The following PRKCE variants were observed in gnomAD, a reference collection of about 807,000 sequenced individuals.
PRKCE encodes the protein protein kinase C epsilon, also known as protein kinase C epsilon type.
Under a neutral mutation model 85.4 loss-of-function variants are expected in PRKCE, and 16 were observed. The observed-to-expected ratio is 0.19, with a 90% CI of 0.13 to 0.28. PRKCE has a LOEUF of 0.28. Among genes scored for constraint, PRKCE ranks in the 10% least tolerant of loss-of-function variants. The probability of loss-of-function intolerance (pLI) is 1.00; values close to 1 mark genes in which losing one functional copy is unlikely to be tolerated. For synonymous variants in PRKCE, 388 were observed against 371.5 expected (o/e 1.04, Z -0.51); for missense variants, 573 against 975.2 (o/e 0.59, Z 5.49).
intron 1 of PRKCE, among the ~76,000 whole-genome samples, chr2:45,837,204 A>C (rs553912134): frequency 9.2e-5 from 14 of 152,338 alleles, no homozygotes; most frequent in African/African-American, 3.1e-4. Context: ...CCTGCTGGGC[A>C]GGTGTGGTGT....
At chr2:46,064,136 G>A (rs1667399370) in intron 10 of PRKCE, among the ~76,000 whole-genome samples, 1 of 151,906 alleles carries the variant, frequency 6.6e-6, no homozygotes, top group Non-Finnish European at 1.5e-5. Context: ...ACAAAAATTA[G>A]CCAGGCATGG....
chr2:45,661,794 C>A (rs1289853850), intron 1 of PRKCE, among the ~76,000 whole-genome samples: 1 of 151,868 alleles, frequency 6.6e-6, no homozygotes, highest in Non-Finnish European at 1.5e-5. Flanking sequence ...CCGCCTTGGC[C>A]TCCCAAAGTG....
At chr2:45,692,471 C>T (rs1677807948) in intron 1 of PRKCE, among the ~76,000 whole-genome samples, 1 of 152,068 alleles carries the variant, frequency 6.6e-6, no homozygotes, top group African/African-American at 2.4e-5. Context: ...GAATTAGGGC[C>T]CACCCTAATG....
intron 1 of PRKCE, among the ~76,000 whole-genome samples, chr2:45,824,541 C>G (rs1325426414): frequency 6.6e-6 from 1 of 152,148 alleles, no homozygotes; most frequent in Admixed American, 6.5e-5. Context: ...GGATAACAGT[C>G]CGGTTGGGCT....
chr2:46,011,349 C>T (rs1284551392), intron 10 of PRKCE, among the ~76,000 whole-genome samples: 1 of 152,222 alleles, frequency 6.6e-6, no homozygotes, highest in Non-Finnish European at 1.5e-5. Flanking sequence ...GGTGTATTCT[C>T]ATCTCCATGT....
At chr2:46,121,497 C>T (rs35062781) in intron 11 of PRKCE, among the ~76,000 whole-genome samples, 1 of 152,198 alleles carries the variant, frequency 6.6e-6, no homozygotes, top group Admixed American at 6.5e-5. Flanking sequence ...ACCTGCAACT[C>T]CCTGCCCAGT....
chr2:45,743,988 TTG>T (rs545900547), intron 1 of PRKCE, among the ~76,000 whole-genome samples: 2,822 of 84,018 alleles, frequency 0.034, 65 homozygotes, highest in African/African-American at 0.091. Flanking sequence ...GATTTGGCCG[TTG>T]TGTGTTTTTT....
At position 46,151,122 on chromosome 2, in the gene PRKCE, C is replaced by G; in HGVS notation, c.1813C>G (p.Pro605Ala). 2 of 1,599,550 alleles carry G rather than the reference C, an allele frequency of 1.3e-6. No homozygotes were observed. The highest frequency in any genetic ancestry group is 2.2e-5 in the South Asian group (2 of 91,056). ...GATGTACGAGATGATGGCTGGACAG[C>G]CTCCCTTTGAGGCCGACAATGAGGA... is the stretch of plus-strand genomic sequence containing the variant. Reference protein sequence around the residue: ...VLMYEMMAGQPPFEADNEDDL... With the variant: ...VLMYEMMAGQAPFEADNEDDL... The change falls in exon 13 of 15, where the codon CCT becomes GCT. Residue 605 changes from proline (P) to alanine (A), a missense_variant. Coordinates refer to ENST00000306156, the MANE Select transcript of PRKCE (RefSeq NM_005400.3).
rs1241587088 is a variant in PRKCE, at chr2:46,007,592, C to A, written c.1194C>A (p.Gly398=). Reference sequence around the variant, plus strand: ...GTGAGAATGGCGAAGTCCGGCAAGGCCAGGCCAAGCGCCTGGGCCTGGATG... The same window carrying A: ...GTGAGAATGGCGAAGTCCGGCAAGGACAGGCCAAGCGCCTGGGCCTGGATG... The part of the protein sequence containing the change: ...SPGENGEVRQ[G]QAKRLGLDEF... The change falls in exon 9 of 15, where the codon GGC becomes GGA. Residue 398 remains glycine (G), a synonymous_variant. Coordinates refer to ENST00000306156, the MANE Select transcript of PRKCE (RefSeq NM_005400.3). 1 of 1,599,672 alleles carries A rather than the reference C, an allele frequency of 6.3e-7. No individual in the cohort carries two copies. Among genetic ancestry groups the A allele is most frequent in the East Asian group, 2.2e-5 (1 of 44,886 alleles).
At chr2:45,662,028 C>T (rs112491718) in intron 1 of PRKCE, among the ~76,000 whole-genome samples, 309 of 152,240 alleles carry the variant, frequency 2.0e-3, no homozygotes, top group Non-Finnish European at 3.4e-3. Flanking sequence ...CCCTCTACCC[C>T]CCTTTAGCTC....
At chr2:45,655,846 GAAAAAAA>G (rs34853762) in intron 1 of PRKCE, among the ~76,000 whole-genome samples, 9 of 66,260 alleles carry the variant, frequency 1.4e-4, no homozygotes, top group African/African-American at 5.4e-4. Flanking sequence ...CCTGTCTCTT[GAAAAAAA>G]AAAAAAAAAA....
chr2:45,653,272 G>GTCTCAA (rs1395195072), intron 1 of PRKCE, among the ~76,000 whole-genome samples: 1 of 150,640 alleles, frequency 6.6e-6, no homozygotes, highest in Non-Finnish European at 1.5e-5. Context: ...AAGAGGTCTT[G>GTCTCAA]TCTCAATCTA....
At chr2:45,983,100 G>A (rs527356043) in intron 5 of PRKCE, among the ~76,000 whole-genome samples, 2 of 152,336 alleles carry the variant, frequency 1.3e-5, no homozygotes, top group African/African-American at 2.4e-5. Context: ...GTTTTCAGTA[G>A]AGCTGACATT....
At chr2:45,726,390 T>C (rs1399163553) in intron 1 of PRKCE, among the ~76,000 whole-genome samples, 2 of 152,208 alleles carry the variant, frequency 1.3e-5, no homozygotes, top group Admixed American at 6.5e-5. Context: ...ACAGCCACCC[T>C]GACCTTCAGC....
intron 14 of PRKCE, among the ~76,000 whole-genome samples, chr2:46,161,820 C>G (rs1007210222): frequency 6.6e-6 from 1 of 152,112 alleles, no homozygotes; most frequent in Non-Finnish European, 1.5e-5. Flanking sequence ...CAAAGCCCTT[C>G]CCTTCACAGG....
chr2:46,044,282 C>G (rs1227861037), intron 10 of PRKCE, among the ~76,000 whole-genome samples: 1 of 152,134 alleles, frequency 6.6e-6, no homozygotes, highest in Non-Finnish European at 1.5e-5. Flanking sequence ...TAAGGAAGAT[C>G]TAGCTATGTG....
chr2:45,726,718 TA>T (rs1277747525), intron 1 of PRKCE, among the ~76,000 whole-genome samples: 1 of 152,192 alleles, frequency 6.6e-6, no homozygotes, highest in African/African-American at 2.4e-5. Context: ...TACATTCTTC[TA>T]AAAAATATTG....
At chr2:45,944,548 A>G (rs1700102078) in intron 2 of PRKCE, among the ~76,000 whole-genome samples, 1 of 151,012 alleles carries the variant, frequency 6.6e-6, no homozygotes, top group Non-Finnish European at 1.5e-5. Context: ...GAGTACAGTG[A>G]TGTGATCTCA....
intron 11 of PRKCE, 46 bp downstream of exon 11, chr2:46,086,408 G>A (rs1241705285): frequency 6.3e-7 from 1 of 1,581,302 alleles, no homozygotes; most frequent in Admixed American, 1.7e-5. Context: ...AGAAAATAAA[G>A]GATGCTTCAG....
Sources: gnomAD v4.1 joint callset for allele counts (sites outside exome capture counted in the v4.1 genomes callset) on GRCh38, gnomAD v4.1.1 for gene constraint, MANE v1.5 for transcripts, NCBI Gene and HGNC (gene_info 2026-07-23, HGNC 2026-07-21) for gene names.